HACE1: variants seen among roughly 807,000 people sequenced by gnomAD.
The protein encoded by HACE1 is HECT domain and ankyrin repeat containing E3 ubiquitin protein ligase 1, also known as E3 ubiquitin-protein ligase HACE1.
Under a neutral mutation model 118.4 loss-of-function variants are expected in HACE1, and 73 were observed. The observed-to-expected ratio is 0.62, with a 90% confidence interval of 0.51 to 0.75. The LOEUF (loss-of-function observed/expected upper bound fraction) is 0.75. Ranked by LOEUF, HACE1 falls within the 30% of genes least tolerant of loss-of-function variation. The pLI, the probability that HACE1 is intolerant of heterozygous loss-of-function variation, is 0.00. For synonymous variants in HACE1, 368 were observed against 374.8 expected, an observed-to-expected ratio of 0.98 and a Z score of 0.21; for missense variants, 749 against 1,102.2, an observed-to-expected ratio of 0.68 and a Z score of 4.54.
In HACE1 at chr6:104,771,210, C is replaced by G; in HGVS notation, c.2194G>C (p.Val732Leu). Residue 732 changes from valine (V) to leucine (L), a missense_variant, in exon 19 of 24, where the codon GTG becomes CTG. Coordinates refer to ENST00000262903, the MANE Select transcript of HACE1 (RefSeq NM_020771.4). ...PLKPGGGSIL[V>L]TQNNKAEYVQ... ...ATACTCACTTTATTATTTTGTGTCA[C>G]AAGAATACTCCCACCCCCAGGTTTC... is the stretch of plus-strand genomic sequence containing the variant. 6.2e-7 allele frequency: 1 copy of G among 1,611,560 alleles called. No individual in the cohort carries two copies. Among genetic ancestry groups the G allele is most frequent in the Non-Finnish European group, 8.5e-7 (1 of 1,177,676 alleles).
At chr6:104,842,048 A>G (rs1382903718) in intron 5 of HACE1, among the ~76,000 whole-genome samples, 1 of 152,246 alleles carries the variant, frequency 6.6e-6, no homozygotes. Context: ...AAATGTTAAC[A>G]GTAATTTTAT....
At chr6:104,755,204 G>A (rs888694012) in intron 19 of HACE1, among the ~76,000 whole-genome samples, 3 of 152,152 alleles carry the variant, frequency 2.0e-5, no homozygotes, top group East Asian at 1.9e-4. Context: ...TTACATAATG[G>A]TAAAAGGTTC....
intron 6 of HACE1, among the ~76,000 whole-genome samples, chr6:104,820,948 T>C (rs999612838): frequency 6.6e-6 from 1 of 152,120 alleles, no homozygotes; most frequent in Non-Finnish European, 1.5e-5. Flanking sequence ...TAAATGCCCA[T>C]CGATGGTAGA....
At chr6:104,831,763 G>T (rs572160043) in intron 6 of HACE1, among the ~76,000 whole-genome samples, 4 of 150,738 alleles carry the variant, frequency 2.7e-5, no homozygotes, top group South Asian at 2.1e-4. Context: ...CGTGGTGGCC[G>T]GTCCCTGTAG....
chr6:104,764,503 A>G (rs968507655), intron 19 of HACE1, among the ~76,000 whole-genome samples: 3 of 152,256 alleles, frequency 2.0e-5, no homozygotes, highest in Non-Finnish European at 2.9e-5. Flanking sequence ...TATCTGCCTC[A>G]TTAACAATGG....
chr6:104,795,340 T>C (rs1482316731), intron 10 of HACE1, among the ~76,000 whole-genome samples: 2 of 152,238 alleles, frequency 1.3e-5, no homozygotes, highest in Non-Finnish European at 2.9e-5. Context: ...CACAAAATTC[T>C]AGACACATAT....
intron 6 of HACE1, among the ~76,000 whole-genome samples, chr6:104,832,245 A>G (rs1774070208): frequency 1.3e-5 from 2 of 152,240 alleles, no homozygotes; most frequent in Non-Finnish European, 2.9e-5. Context: ...AACATTATAA[A>G]TGTTAAAATT....
At chr6:104,760,131 T>C (rs976474435) in intron 19 of HACE1, among the ~76,000 whole-genome samples, 8 of 152,310 alleles carry the variant, frequency 5.3e-5, no homozygotes, top group Non-Finnish European at 8.8e-5. Context: ...AAAGAGGAGC[T>C]GGTACCATTC....
chr6:104,819,010 T>C (rs888411029), intron 6 of HACE1, among the ~76,000 whole-genome samples: 3 of 152,078 alleles, frequency 2.0e-5, no homozygotes, highest in Non-Finnish European at 2.9e-5. Flanking sequence ...ACCACCCCTA[T>C]TCAACACAGT....
chr6:104,852,241 G>A (rs1302124950), intron 2 of HACE1, 76 bp downstream of exon 2: 16 of 840,046 alleles, frequency 1.9e-5, no homozygotes, highest in South Asian at 4.0e-5. Flanking sequence ...GCGCGTGCGC[G>A]TGCACGGGCA....
At chr6:104,822,340 G>A (rs749765097) in intron 6 of HACE1, among the ~76,000 whole-genome samples, 22 of 146,440 alleles carry the variant, frequency 1.5e-4, no homozygotes, top group Admixed American at 1.5e-3. Flanking sequence ...CCGCGACCAC[G>A]CCACTGCACC....
intron 7 of HACE1, 39 bp downstream of exon 7, chr6:104,811,272 A>G (rs976880352): frequency 6.9e-6 from 4 of 577,526 alleles, no homozygotes; most frequent in Non-Finnish European, 9.9e-6. Flanking sequence ...ATATATATAT[A>G]TGAGCATATA....
At chr6:104,840,449 A>T (rs1774985591) in intron 5 of HACE1, among the ~76,000 whole-genome samples, 2 of 152,198 alleles carry the variant, frequency 1.3e-5, no homozygotes, top group Admixed American at 1.3e-4. Context: ...CAGAAAGTCA[A>T]CAGGTGATAC....
chr6:104,802,033 C>CAAAAAAA (rs533831848), intron 7 of HACE1, among the ~76,000 whole-genome samples: 2 of 58,768 alleles, frequency 3.4e-5, no homozygotes, highest in African/African-American at 5.6e-5. Context: ...AACGAAAAGC[C>CAAAAAAA]AAAAAAAAAA....
At chr6:104,744,715 T>G (rs1029608590) in intron 20 of HACE1, 105 bp from the exon 21 acceptor site, 2 of 704,224 alleles carry the variant, frequency 2.8e-6, no homozygotes, top group South Asian at 3.2e-5. Context: ...CATGTAAAAC[T>G]GATATATTTT....
At chr6:104,793,493 C>T (rs147159092) in intron 10 of HACE1, among the ~76,000 whole-genome samples, 151 of 152,192 alleles carry the variant, frequency 9.9e-4, no homozygotes, top group Non-Finnish European at 2.0e-3. Flanking sequence ...TGTGCAAACG[C>T]CTCAGTAAAT....
chr6:104,739,751 A>T (rs1776407746), intron 22 of HACE1, among the ~76,000 whole-genome samples: 1 of 150,934 alleles, frequency 6.6e-6, no homozygotes, highest in African/African-American at 2.4e-5. Flanking sequence ...AACATTAGAC[A>T]GATCAACGAG....
chr6:104,841,016 G>A (rs757215955), intron 5 of HACE1, among the ~76,000 whole-genome samples: 3 of 151,930 alleles, frequency 2.0e-5, no homozygotes, highest in Non-Finnish European at 2.9e-5. Flanking sequence ...AGCTACTCGG[G>A]AGGCTGAGGC....
intron 7 of HACE1, among the ~76,000 whole-genome samples, chr6:104,802,067 C>T (rs1162124613): frequency 1.3e-5 from 2 of 149,352 alleles, no homozygotes; most frequent in African/African-American, 4.9e-5. Context: ...GGTTGCAATC[C>T]AGGTCTCTGA....
Sources: gnomAD v4.1 joint callset for allele counts (sites outside exome capture counted in the v4.1 genomes callset) on GRCh38, gnomAD v4.1.1 for gene constraint, MANE v1.5 for transcripts, NCBI Gene and HGNC (gene_info 2026-07-23, HGNC 2026-07-21) for gene names.